The following L3MBTL4 variants were observed in gnomAD, a reference collection of about 807,000 sequenced individuals.
L3MBTL4 encodes the protein L3MBTL histone methyl-lysine binding protein 4.
L3MBTL4 carries 70 observed loss-of-function variants against 84.5 expected under a neutral mutation model. The observed-to-expected ratio is 0.83, with a 90% CI of 0.68 to 1.01. L3MBTL4 has a LOEUF of 1.01. L3MBTL4 is among the 50% of genes least tolerant of loss of function. The probability of loss-of-function intolerance (pLI) is 0.00; values close to 1 mark genes in which losing one functional copy is unlikely to be tolerated. For missense variants in L3MBTL4, 715 were observed against 754.8 expected, an observed-to-expected ratio of 0.95 and a Z score of 0.62; for synonymous variants, 274 against 259.8, an observed-to-expected ratio of 1.05 and a Z score of -0.52.
In L3MBTL4 at chr18:6,299,916, C is replaced by T. The variant is rs557546523; in HGVS notation, c.127+1987G>A. ...TGAACTCCCAAGCTCAAGAGATCCA[C>T]CCGCCTTGGTCTCCCAAAGTGCTAG... On this transcript the variant is annotated intron_variant, in intron 4 of 18. Coordinates refer to ENST00000317931, the MANE Select transcript of L3MBTL4 (RefSeq NM_001330559.2). 2.6e-5 allele frequency among the ~76,000 whole-genome samples: 4 copies of T among 152,282 alleles called. No homozygotes were observed. In the East Asian group the frequency reaches 7.7e-4, roughly 29 times the overall value.
At chr18:6,312,394 G>T (rs1208847262) in intron 1 of L3MBTL4, among the ~76,000 whole-genome samples, 1 of 152,098 alleles carries the variant, frequency 6.6e-6, no homozygotes, top group Admixed American at 6.6e-5. Flanking sequence ...CTCCAAATAT[G>T]GTAAATGTAA....
intron 16 of L3MBTL4, among the ~76,000 whole-genome samples, chr18:6,045,197 C>T (rs1453426972): frequency 6.6e-6 from 1 of 152,176 alleles, no homozygotes; most frequent in Non-Finnish European, 1.5e-5. Context: ...TCAGCAGAAA[C>T]CTTATGAGCC....
chr18:6,313,786 A>T (rs913379534), intron 1 of L3MBTL4, among the ~76,000 whole-genome samples: 7 of 152,240 alleles, frequency 4.6e-5, no homozygotes, highest in Non-Finnish European at 8.8e-5. Context: ...TGATTTGTTT[A>T]AAACAGCAAG....
chr18:6,055,514 A>AT lies in L3MBTL4; in HGVS notation c.1444+25366dup, dbSNP rs900671286. Among the ~76,000 whole-genome samples, 5 of 152,250 alleles carry AT rather than the reference A, an allele frequency of 3.3e-5. No homozygotes were observed. The South Asian group carries it at 1.0e-3, about 32-fold the overall frequency. On this transcript the variant is annotated intron_variant, in intron 16 of 18. Coordinates refer to ENST00000317931, the MANE Select transcript of L3MBTL4 (RefSeq NM_001330559.2). ...GATTGATTGATTGATTGACTGATTG[A>AT]TTTTTTTGCTGGGGCAATCTAGACA...
At chr18:6,287,998 A>G (rs113064693) in intron 4 of L3MBTL4, among the ~76,000 whole-genome samples, 93 of 152,328 alleles carry the variant, frequency 6.1e-4, no homozygotes, top group African/African-American at 1.9e-3. Flanking sequence ...AGCTGTAGTC[A>G]CATCGCTGCA....
At chr18:6,139,241 T>C (rs2060121427) in intron 13 of L3MBTL4, among the ~76,000 whole-genome samples, 1 of 152,160 alleles carries the variant, frequency 6.6e-6, no homozygotes, top group Non-Finnish European at 1.5e-5. Flanking sequence ...CTATATACTA[T>C]GCTATATACT....
chr18:6,302,737 CA>C (rs1212757410), intron 3 of L3MBTL4, among the ~76,000 whole-genome samples: 4 of 152,202 alleles, frequency 2.6e-5, no homozygotes, highest in African/African-American at 9.6e-5. Flanking sequence ...GTAATCCCAG[CA>C]CTTTGGGAGG....
chr18:6,245,067 A>AT (rs1473005723), intron 5 of L3MBTL4, among the ~76,000 whole-genome samples: 1 of 151,884 alleles, frequency 6.6e-6, no homozygotes, highest in East Asian at 1.9e-4. Flanking sequence ...CGCCCAGCTA[A>AT]TTTTTGCAGT....
intron 16 of L3MBTL4, among the ~76,000 whole-genome samples, chr18:5,989,674 C>T (rs188315983): frequency 4.1e-4 from 63 of 152,296 alleles, no homozygotes; most frequent in African/African-American, 1.5e-3. Flanking sequence ...CTTGTTTATG[C>T]AGAATTGGGG....
chr18:6,354,387 A>G (rs1336838967), intron 1 of L3MBTL4, among the ~76,000 whole-genome samples: 1 of 152,210 alleles, frequency 6.6e-6, no homozygotes, highest in Admixed American at 6.5e-5. Context: ...TGTCTTGACT[A>G]ATATCCCACA....
At position 6,254,959 on chromosome 18, in the gene L3MBTL4, A is replaced by T. The variant is rs1485768508; in HGVS notation, c.219+8988T>A. Among the ~76,000 whole-genome samples, 3 of 152,164 alleles carry T rather than the reference A, an allele frequency of 2.0e-5. No individual in the cohort carries two copies. The East Asian group carries it at 5.8e-4, about 29-fold the overall frequency. On this transcript the variant is annotated intron_variant, in intron 5 of 18. Coordinates refer to ENST00000317931, the MANE Select transcript of L3MBTL4 (RefSeq NM_001330559.2). ...GATCATTTATGAACAAAGAAAAAGA[A>T]CCCACACCATTCATAATACAGGACT...
chr18:6,085,022 G>A (rs760156027), intron 15 of L3MBTL4, among the ~76,000 whole-genome samples: 63 of 152,098 alleles, frequency 4.1e-4, no homozygotes, highest in Non-Finnish European at 4.7e-4. Context: ...TTGGATATGC[G>A]AATTTATTTA....
chr18:6,273,601 A>G (rs2048961694), intron 4 of L3MBTL4, among the ~76,000 whole-genome samples: 1 of 152,242 alleles, frequency 6.6e-6, no homozygotes, highest in Non-Finnish European at 1.5e-5. Flanking sequence ...AAGTGGGAGC[A>G]GGCGGTTACA....
In L3MBTL4 at chr18:6,168,084, A is replaced by C. The variant is rs563028313; in HGVS notation, c.1096+3744T>G. 1.0e-3 allele frequency among the ~76,000 whole-genome samples: 152 copies of C among 152,336 alleles called. 1 individual carries two copies. The highest frequency in any genetic ancestry group is 6.8e-3 in the Middle Eastern group (2 of 294). ...GTGAACTCCCATTCACAATTGCTTC[A>C]AAGAGAATAAAATAAATAGGAATCC... On this transcript the variant is annotated intron_variant, in intron 13 of 18. Coordinates refer to ENST00000317931, the MANE Select transcript of L3MBTL4 (RefSeq NM_001330559.2).
intron 1 of L3MBTL4, among the ~76,000 whole-genome samples, chr18:6,339,325 C>A (rs1225768535): frequency 2.6e-5 from 4 of 152,130 alleles, no homozygotes; most frequent in African/African-American, 9.7e-5. Flanking sequence ...TGTAATCAAG[C>A]AAGAAATCAA....
intron 16 of L3MBTL4, chr18:6,029,839 G>T: frequency 1.0e-6 from 1 of 985,298 alleles, no homozygotes; most frequent in Non-Finnish European, 1.2e-6. Flanking sequence ...AGGAAATGCC[G>T]AAAAGGATTA....
intron 4 of L3MBTL4, among the ~76,000 whole-genome samples, chr18:6,284,892 C>T (rs1480148457): frequency 3.3e-5 from 5 of 152,274 alleles, no homozygotes; most frequent in South Asian, 2.1e-4. Flanking sequence ...AGTCGGAGCC[C>T]GGAACGGGGA....
intron 13 of L3MBTL4, among the ~76,000 whole-genome samples, chr18:6,140,535 C>T (rs890002971): frequency 6.6e-6 from 1 of 152,134 alleles, no homozygotes; most frequent in Non-Finnish European, 1.5e-5. Flanking sequence ...GACCAGGAGC[C>T]CATGGACAGA....
At chr18:6,071,273 C>T in intron 16 of L3MBTL4, among the ~76,000 whole-genome samples, 1 of 151,904 alleles carries the variant, frequency 6.6e-6, no homozygotes. Context: ...CATCTGTAAT[C>T]CCAGCTACTT....
Sources: gnomAD v4.1 joint callset for allele counts (sites outside exome capture counted in the v4.1 genomes callset) on GRCh38, gnomAD v4.1.1 for gene constraint, MANE v1.5 for transcripts, NCBI Gene and HGNC (gene_info 2026-07-23, HGNC 2026-07-21) for gene names.